UBA7: variants seen among roughly 807,000 people sequenced by gnomAD.
UBA7 encodes ubiquitin like modifier activating enzyme 7, also known as ubiquitin-like modifier-activating enzyme 7.
In UBA7, 88 loss-of-function variants were observed where a neutral mutation model predicts 113.0. The observed-to-expected ratio is 0.78, with a 90% CI of 0.66 to 0.93. The LOEUF is 0.93. Ranked by LOEUF, UBA7 falls within the 40% of genes least tolerant of loss-of-function variation. The pLI is 0.00. For missense variants in UBA7, 1,092 were observed against 1,266.4 expected (o/e 0.86, Z 2.09); for synonymous variants, 459 against 513.0 (o/e 0.89, Z 1.42).
intron 9 of UBA7, 39 bp from the exon 10 acceptor site, chr3:49,811,130 C>G: frequency 6.2e-7 from 1 of 1,609,978 alleles, no homozygotes; most frequent in Middle Eastern, 1.7e-4. Context: ...CCTGCCACCT[C>G]CTGACCCCCC....
In UBA7 at chr3:49,810,912, G is replaced by A; in HGVS notation, c.1230+72C>T. The A allele has an allele frequency of 1.2e-6, 2 of 1,610,454 alleles. No homozygotes were observed. Among genetic ancestry groups the A allele is most frequent in the South Asian group, 2.2e-5 (2 of 90,986 alleles). On this transcript the variant is annotated intron_variant, in intron 10 of 23. Coordinates refer to ENST00000333486, the MANE Select transcript of UBA7 (RefSeq NM_003335.3). This position sits in a 1 kb window ranked among gnomAD's most constrained non-coding sequence, Gnocchi z 5.6. ...ACTGAGTTTTCTGAATCAGGACCTG[G>A]AGGGCATTCCTCATGCTTCTCCCCT... is the stretch of plus-strand genomic sequence containing the variant.
chr3:49,806,550 G>T (rs1163539100), intron 21 of UBA7, among the ~76,000 whole-genome samples: 1 of 152,094 alleles, frequency 6.6e-6, no homozygotes, highest in African/African-American at 2.4e-5. Flanking sequence ...AATCTTGTAT[G>T]TACTGCCAGT....
At chr3:49,812,984 A>T in intron 4 of UBA7, 78 bp downstream of exon 4, 1 of 1,518,826 alleles carries the variant, frequency 6.6e-7, no homozygotes, top group Admixed American at 1.8e-5. Flanking sequence ...GGGGCACTGG[A>T]GCAAGCCTGG....
chr3:49,807,802 G>A lies in UBA7; in HGVS notation c.2649C>T (p.His883=), dbSNP rs754360075. The change falls in exon 21 of 24, where the codon CAC becomes CAT. Residue 883 remains histidine (H), a synonymous_variant. Transcript: ENST00000333486. This position sits in a 1 kb window ranked among gnomAD's most constrained non-coding sequence, Gnocchi z 4.0. ...SGPRPRSAFR[H]SYLHLAENYL... ...AGTTTTCAGCCAGATGTAGGTAGCT[G>A]TGGCGAAAGGCACTACGAGGCCGTG... 16 of 1,614,116 alleles carry A rather than the reference G, an allele frequency of 9.9e-6. No individual in the cohort carries two copies. In the East Asian group the frequency reaches 3.3e-4, roughly 34 times the overall value.
intron 1 of UBA7, 40 bp from the exon 2 acceptor site, chr3:49,813,687 G>T (rs2081587119): frequency 6.2e-7 from 1 of 1,614,250 alleles, no homozygotes; most frequent in Non-Finnish European, 8.5e-7. Context: ...TGTAGATCAA[G>T]GTCTGAAGAC....
In UBA7 at chr3:49,812,431, TCACAGTCGTTGAGCTC is replaced by T; in HGVS notation, c.655_670del (p.Glu219IlefsTer39). 2 of 1,614,172 alleles carry T rather than the reference TCACAGTCGTTGAGCTC, an allele frequency of 1.2e-6. No homozygotes were observed. Among genetic ancestry groups the T allele is most frequent in the Non-Finnish European group, 1.7e-6 (2 of 1,180,024 alleles). ...ACCCCGCACGTGGATAGACCGGGGA[TCACAGTCGTTGAGCTC>T]AACCATTCCCTCAATTCCCGAGAAA... On this transcript the variant is annotated frameshift_variant, in exon 6 of 24. Transcript: ENST00000333486. LOFTEE classifies it high-confidence loss of function.
rs1335534759 is a variant in UBA7 at position 49,807,723 on chromosome 3, A to T, written c.2715+13T>A. On this transcript the variant is annotated intron_variant, in intron 21 of 23. Transcript: ENST00000333486. The surrounding 1 kb of genome is among the most constrained non-coding windows in gnomAD (Gnocchi z 4.0). ...GGCCTAGTAGGGCTAAGGGTGGGGTATCATGGGCTCACCGTCTGGATGGCT... is the reference window on the plus strand; with the variant it reads ...GGCCTAGTAGGGCTAAGGGTGGGGTTTCATGGGCTCACCGTCTGGATGGCT... The T allele has an allele frequency of 1.9e-6, 3 of 1,596,684 alleles. 1 individual carries two copies. The South Asian group carries it at 3.4e-5, about 18-fold the overall frequency.
chr3:49,805,370 C>A lies in UBA7; in HGVS notation c.2977G>T (p.Glu993Ter). The A allele has an allele frequency of 6.2e-7, 1 of 1,613,928 alleles. No individual in the cohort carries two copies. The highest frequency in any genetic ancestry group is 1.1e-5 in the South Asian group (1 of 91,078). Residue 993 changes from glutamate to a stop codon, truncating the protein, a stop_gained, in exon 24 of 24, where the codon GAG becomes TAG. Transcript: ENST00000333486. LOFTEE classifies it high-confidence loss of function. The part of the protein sequence containing the change: ...PAPGQRVLVL[E>*]LSCEGDDEDT... ...TCGTCGTCACCCTCACAGCTCAGCTCTAGCACCAACACCCGCTGCCCAGGA... is the reference window on the plus strand; with the variant it reads ...TCGTCGTCACCCTCACAGCTCAGCTATAGCACCAACACCCGCTGCCCAGGA...
chr3:49,809,789 C>T (rs149089184), intron 15 of UBA7, 26 bp downstream of exon 15: 505 of 1,614,086 alleles, frequency 3.1e-4, no homozygotes, highest in Non-Finnish European at 4.1e-4. Context: ...CCCTGGACTC[C>T]CATCTGCCTC....
Position 49,809,110 on chromosome 3 carries a change from A to C in UBA7, c.2213T>G (p.Met738Arg). ...GTCCTGTGAGCCAGGCAGCCCATGCATCTGGGCATACAGGTTGGCAGCTGC... is the reference window on the plus strand; with the variant it reads ...GTCCTGTGAGCCAGGCAGCCCATGCCTCTGGGCATACAGGTTGGCAGCTGC... ...VLAAANLYAQ[M>R]HGLPGSQDWT... The change falls in exon 18 of 24, where the codon ATG becomes AGG. Residue 738 changes from methionine (M) to arginine (R), a missense_variant. Physicochemically the swap from Met to Arg is moderately conservative, Grantham distance 91. This residue lies in a region of UBA7 where 500 missense variants were observed against 529.3 expected (regional missense o/e 0.94). Transcript: ENST00000333486. The C allele has an allele frequency of 6.2e-7, 1 of 1,613,520 alleles. No homozygotes were observed. The highest frequency in any genetic ancestry group is 1.1e-5 in the South Asian group (1 of 90,928).
intron 18 of UBA7, 145 bp from the exon 19 acceptor site, chr3:49,808,613 A>G (rs1048779133): frequency 2.6e-5 from 22 of 858,780 alleles, no homozygotes; most frequent in Non-Finnish European, 3.9e-5. Flanking sequence ...TTAATGCTAC[A>G]ATCTCCCCTC....
At chr3:49,811,679 G>GA in intron 8 of UBA7, 191 bp downstream of exon 8, 1 of 1,144,114 alleles carries the variant, frequency 8.7e-7, no homozygotes, top group Non-Finnish European at 1.2e-6. Flanking sequence ...TTCCAGCACA[G>GA]ATCTGAGGGG....
At position 49,805,434 on chromosome 3, in the gene UBA7, C is replaced by T. The variant is rs2081432478; in HGVS notation, c.2913G>A (p.Val971=). Residue 971 remains valine, a synonymous_variant, in exon 24 of 24, where the codon GTG becomes GTA. Coordinates refer to ENST00000333486, the MANE Select transcript of UBA7 (RefSeq NM_003335.3). ...EKQAQHLPLR[V]TELVQQLTGQ... is the part of the protein sequence containing the mutation. Reference sequence around the variant, plus strand: ...CTGTCAGCTGCTGAACCAGTTCTGTCACCCTGGTAGGGGTGGGTTTAGGGG... The same window carrying T: ...CTGTCAGCTGCTGAACCAGTTCTGTTACCCTGGTAGGGGTGGGTTTAGGGG... 1 of 1,587,736 alleles carries T rather than the reference C, an allele frequency of 6.3e-7. No homozygotes were observed. Among genetic ancestry groups the T allele is most frequent in the African/African-American group, 1.5e-5 (1 of 64,582 alleles).
In UBA7 at chr3:49,813,377, G is replaced by T; in HGVS notation, c.232C>A (p.Leu78Ile). Reference protein sequence around the residue: ...CWSDLAAQFLLSEQDLERSRA... With the variant: ...CWSDLAAQFLISEQDLERSRA... ...CTCCTTTCCAAGTCCTGCTCTGAGA[G>T]GAGAAACTAGGGAGAGAGCCAGTGC... The change falls in exon 3 of 24, where the codon CTC (leucine) becomes ATC (isoleucine). Residue 78 changes from leucine to isoleucine, a missense_variant. Leu to Ile is a conservative substitution (Grantham distance 5, BLOSUM62 2). Coordinates refer to ENST00000333486, the MANE Select transcript of UBA7 (RefSeq NM_003335.3). 1 of 1,613,428 alleles carries T rather than the reference G, an allele frequency of 6.2e-7. No individual in the cohort carries two copies. Among genetic ancestry groups the T allele is most frequent in the South Asian group, 1.1e-5 (1 of 91,026 alleles).
intron 6 of UBA7, 73 bp downstream of exon 6, chr3:49,812,335 C>A: frequency 6.2e-7 from 1 of 1,610,876 alleles, no homozygotes; most frequent in African/African-American, 1.3e-5. Flanking sequence ...AAACCCATCC[C>A]AAGGGCCAGG....
Position 49,811,108 on chromosome 3 carries a change from A to G in UBA7, c.1123-17T>C, listed in dbSNP as rs1483787436. On this transcript the variant is annotated splice_polypyrimidine_tract_variant and intron_variant, in intron 9 of 23. Coordinates refer to ENST00000333486, the MANE Select transcript of UBA7 (RefSeq NM_003335.3). The stretch of plus-strand genomic sequence containing the variant: ...GGAGATTGCCTAGGGGCAGCACTTC[A>G]GGCTGGGCACTCCTGCCACCTCCTG... 6.2e-7 allele frequency: 1 copy of G among 1,613,322 alleles called. No individual in the cohort carries two copies. Among genetic ancestry groups the G allele is most frequent in the South Asian group, 1.1e-5 (1 of 91,042 alleles).
intron 8 of UBA7, 81 bp from the exon 9 acceptor site, chr3:49,811,536 C>T (rs2081547477): frequency 6.6e-7 from 1 of 1,517,424 alleles, no homozygotes; most frequent in Admixed American, 2.0e-5. Flanking sequence ...ACCCTCCATC[C>T]ACCCTGTTCC....
intron 19 of UBA7, 94 bp from the exon 20 acceptor site, chr3:49,808,206 G>A (rs888342422): frequency 5.8e-6 from 9 of 1,549,812 alleles, no homozygotes; most frequent in Non-Finnish European, 8.0e-6. Context: ...ACACAGTTCT[G>A]TCGGGGGGTT....
chr3:49,813,415 G>A (rs774109318), intron 2 of UBA7, 32 bp from the exon 3 acceptor site: 1 of 1,610,372 alleles, frequency 6.2e-7, no homozygotes, highest in South Asian at 1.1e-5. Flanking sequence ...CCTGAGCAAA[G>A]ACACTCCTCT....
Sources: allele counts gnomAD v4.1 joint callset (sites outside exome capture counted in the v4.1 genomes callset), GRCh38; gene constraint gnomAD v4.1.1; regional missense constraint gnomAD v4.1.1; non-coding constraint Gnocchi (gnomAD v3.1); transcripts MANE v1.5; gene names NCBI Gene and HGNC (gene_info 2026-07-23, HGNC 2026-07-21).